Variants in KIF24 observed in about 807,000 individuals in gnomAD.
KIF24 encodes the protein kinesin family member 24, also known as kinesin-like protein KIF24.
In KIF24, 81 loss-of-function variants were observed where a neutral mutation model predicts 118.9. The observed-to-expected ratio is 0.68, with a 90% CI of 0.57 to 0.82. KIF24 has a LOEUF of 0.82. Ranked by LOEUF, KIF24 falls within the 40% of genes least tolerant of loss-of-function variation. The pLI is 0.00. For synonymous variants in KIF24, 599 were observed against 610.0 expected, an observed-to-expected ratio of 0.98 and a Z score of 0.27; for missense variants, 1,560 against 1,661.6, an observed-to-expected ratio of 0.94 and a Z score of 1.06.
intron 7 of KIF24, among the ~76,000 whole-genome samples, chr9:34,270,659 ATC>A (rs1258385492): frequency 2.0e-5 from 3 of 149,944 alleles, no homozygotes; most frequent in Admixed American, 6.7e-5. Flanking sequence ...TGGCTGCGAC[ATC>A]TGTCACCCCA....
intron 3 of KIF24, among the ~76,000 whole-genome samples, chr9:34,302,129 G>A (rs1304059681): frequency 6.7e-6 from 1 of 150,196 alleles, no homozygotes; most frequent in Non-Finnish European, 1.5e-5. Flanking sequence ...CTAGTAGCTG[G>A]GACTACAGGC....
chr9:34,269,255 A>T lies in KIF24; in HGVS notation c.1443+2T>A. On this transcript the variant is annotated splice_donor_variant, in intron 8 of 12. Coordinates refer to ENST00000402558, the MANE Select transcript of KIF24 (RefSeq NM_194313.4). LOFTEE classifies it high-confidence loss of function. ...TTAGATTAAAGATTTTGAACAACTT[A>T]CAGCCAGTAGACTCTGATTTATTTC... The T allele has an allele frequency of 1.3e-6, 2 of 1,568,852 alleles. No individual in the cohort carries two copies. The highest frequency in any genetic ancestry group is 1.8e-6 in the Non-Finnish European group (2 of 1,141,676).
chr9:34,322,740 G>A (rs927991721), intron 1 of KIF24, among the ~76,000 whole-genome samples: 3 of 152,104 alleles, frequency 2.0e-5, no homozygotes, highest in African/African-American at 7.2e-5. Context: ...TTTAGTCACA[G>A]CTACTTGGGA....
rs1388261037 is a variant in KIF24, at chr9:34,311,126, G to A, written c.221C>T (p.Pro74Leu). 2 of 1,613,666 alleles carry A rather than the reference G, an allele frequency of 1.2e-6. No homozygotes were observed. The highest frequency in any genetic ancestry group is 1.7e-6 in the Non-Finnish European group (2 of 1,179,680). The change falls in exon 2 of 13, where the codon CCA becomes CTA. Residue 74 changes from proline (P) to leucine (L), a missense_variant. Pro to Leu is a moderately conservative substitution (Grantham distance 98). Coordinates refer to ENST00000402558, the MANE Select transcript of KIF24 (RefSeq NM_194313.4). Reference sequence around the variant, plus strand: ...GCTGCTTGTCTGAAGATGACGCTCTGGGATACTGACTGCTTTATCTTCTTC... The same window carrying A: ...GCTGCTTGTCTGAAGATGACGCTCTAGGATACTGACTGCTTTATCTTCTTC... ...MQEEDKAVSI[P>L]ERHLQTSSLR...
upstream of KIF24, among the ~76,000 whole-genome samples, chr9:34,329,811 C>A (rs1425568424): frequency 1.3e-5 from 2 of 152,040 alleles, no homozygotes; most frequent in African/African-American, 2.4e-5. Flanking sequence ...AAGGGAGGTT[C>A]CCTGACTCTG....
chr9:34,304,294 G>A (rs181950904), intron 3 of KIF24, among the ~76,000 whole-genome samples: 214 of 152,242 alleles, frequency 1.4e-3, no homozygotes, highest in Non-Finnish European at 2.5e-3. Context: ...TCATAGCATT[G>A]ACAGGTAAGG....
chr9:34,330,675 G>C (rs540749388), upstream of KIF24, among the ~76,000 whole-genome samples: 3 of 152,166 alleles, frequency 2.0e-5, 1 homozygote, highest in South Asian at 6.2e-4. Context: ...TTAAAAAATG[G>C]TAGCGGCCGG....
chr9:34,254,175 C>A lies in KIF24; in HGVS notation c.*205G>T. On this transcript the variant is annotated 3_prime_UTR_variant, in exon 13 of 13. Coordinates refer to ENST00000402558, the MANE Select transcript of KIF24 (RefSeq NM_194313.4). ...GCCCACCCTTGGAGGCACTCCTGTG[C>A]ATGGAACTGAGGGACAGGGGCCTGT... The A allele has an allele frequency of 4.3e-6, 2 of 469,242 alleles. No homozygotes were observed. The highest frequency in any genetic ancestry group is 4.6e-5 in the South Asian group (1 of 21,972). 29.1% of individuals were successfully genotyped at this position (469,242 alleles called of 1,614,324 possible).
At position 34,299,371 on chromosome 9, in the gene KIF24, G is replaced by A. The variant is rs559637434; in HGVS notation, c.814-2257C>T. On this transcript the variant is annotated intron_variant, in intron 3 of 12. Coordinates refer to ENST00000402558, the MANE Select transcript of KIF24 (RefSeq NM_194313.4). ...GATTTTTGTAGTTTTAGTAAAGACG[G>A]GGGTCTCATCATGTTGGCCAGGCTG... 2.3e-3 allele frequency among the ~76,000 whole-genome samples: 350 copies of A among 151,738 alleles called. 1 individual carries two copies. The highest frequency in any genetic ancestry group is 7.9e-3 in the African/African-American group (328 of 41,364).
intron 12 of KIF24, among the ~76,000 whole-genome samples, chr9:34,254,724 T>C (rs1036074899): frequency 6.6e-6 from 1 of 152,022 alleles, no homozygotes; most frequent in African/African-American, 2.4e-5. Flanking sequence ...GAGTATTTTG[T>C]AAGGCAGAAG....
chr9:34,269,486 T>C (rs974116788), intron 7 of KIF24, 124 bp from the exon 8 acceptor site: 4 of 410,696 alleles, frequency 9.7e-6, no homozygotes, highest in South Asian at 5.6e-5. Flanking sequence ...GTGGCGCGAT[T>C]TTGGCTCACT....
At chr9:34,305,143 T>C (rs1836863620) in intron 3 of KIF24, among the ~76,000 whole-genome samples, 1 of 152,210 alleles carries the variant, frequency 6.6e-6, no homozygotes, top group South Asian at 2.1e-4. Flanking sequence ...TAAAGAATTA[T>C]TGCAAGGTAC....
At chr9:34,271,753 C>G in intron 7 of KIF24, 56 bp downstream of exon 7, 4 of 1,591,826 alleles carry the variant, frequency 2.5e-6, no homozygotes, top group South Asian at 2.3e-5. Flanking sequence ...AAACATACTT[C>G]AAAGTCACAT....
In KIF24 at chr9:34,256,946, ATCTT is replaced by A; in HGVS notation, c.2657_2660del (p.Lys886IlefsTer2). The A allele has an allele frequency of 6.2e-7, 1 of 1,613,774 alleles. No homozygotes were observed. The highest frequency in any genetic ancestry group is 8.5e-7 in the Non-Finnish European group (1 of 1,179,866). On this transcript the variant is annotated frameshift_variant, in exon 11 of 13. Coordinates refer to ENST00000402558, the MANE Select transcript of KIF24 (RefSeq NM_194313.4). LOFTEE classifies it high-confidence loss of function. ...TGGAGTCCACCCAGCTTTTAGTTAG[ATCTT>A]TCTTGTCACCTGTCCTGGGGCTAGA...
intron 2 of KIF24, among the ~76,000 whole-genome samples, chr9:34,310,081 C>T (rs539878739): frequency 1.8e-4 from 28 of 151,562 alleles, no homozygotes; most frequent in African/African-American, 5.8e-4. Context: ...AATTCTAACT[C>T]GAAGCACTAG....
At chr9:34,314,312 C>T (rs1046905064) in intron 1 of KIF24, among the ~76,000 whole-genome samples, 7 of 151,976 alleles carry the variant, frequency 4.6e-5, no homozygotes, top group East Asian at 1.9e-4. Flanking sequence ...TACAGGCGCG[C>T]GCCACCACGC....
intron 6 of KIF24, among the ~76,000 whole-genome samples, chr9:34,285,807 G>A (rs1836025322): frequency 6.7e-6 from 1 of 148,544 alleles, no homozygotes; most frequent in Non-Finnish European, 1.5e-5. Context: ...AAAAAAATTA[G>A]CCAGGTGTGG....
Position 34,318,570 on chromosome 9 carries a change from A to G in KIF24, c.-25-7199T>C, listed in dbSNP as rs1017384773. On this transcript the variant is annotated intron_variant, in intron 1 of 12. Transcript: ENST00000402558. The surrounding 1 kb of genome is among the most constrained non-coding windows in gnomAD (Gnocchi z 4.9). ...GCCGGCCTGGCCTTCAGCCTGTACC[A>G]GGCCATGGCCAAGGACCAGGCGGTG... is the stretch of plus-strand genomic sequence containing the variant. The G allele has an allele frequency of 1.6e-6, 2 of 1,262,228 alleles. No individual in the cohort carries two copies. Among genetic ancestry groups the G allele is most frequent in the Admixed American group, 3.6e-5 (2 of 55,458 alleles). The allele number at this position is 1,262,228 out of a possible 1,614,324, so 78.2% of individuals were successfully genotyped here. A position where few individuals can be genotyped will look rare whatever the true frequency, so the allele number is the denominator to read the frequency against.
At position 34,252,651 on chromosome 9, in the gene KIF24, C is replaced by T. The variant is rs1007264221; in HGVS notation, c.*1729G>A. Reference sequence around the variant, plus strand: ...AATAGGACCTAACCGTTTTCTATTTCGGAGCTTTCTTCCCACTTCAGACCT... The same window carrying T: ...AATAGGACCTAACCGTTTTCTATTTTGGAGCTTTCTTCCCACTTCAGACCT... On this transcript the variant is annotated 3_prime_UTR_variant, in exon 13 of 13. Transcript: ENST00000402558. 5.3e-5 allele frequency: 8 copies of T among 152,158 alleles called. No individual in the cohort carries two copies. Among genetic ancestry groups the T allele is most frequent in the South Asian group, 2.1e-4 (1 of 4,828 alleles). The allele number at this position is 152,158 out of a possible 1,614,324, so 9.4% of individuals were successfully genotyped here. A position where few individuals can be genotyped will look rare whatever the true frequency, so the allele number is the denominator to read the frequency against.
Sources: gnomAD v4.1 joint callset for allele counts (sites outside exome capture counted in the v4.1 genomes callset) on GRCh38, gnomAD v4.1.1 for gene constraint, Gnocchi (gnomAD v3.1) non-coding constraint, MANE v1.5 for transcripts, NCBI Gene and HGNC (gene_info 2026-07-23, HGNC 2026-07-21) for gene names.